ITPR2: variants seen among roughly 807,000 people sequenced by gnomAD.
ITPR2 encodes inositol 1,4,5-trisphosphate receptor type 2.
Under a neutral mutation model 317.1 loss-of-function variants are expected in ITPR2, and 207 were observed. The ratio of observed to expected loss-of-function variants is 0.65; its 90% CI spans 0.58 to 0.73. ITPR2 has a LOEUF of 0.73. Among genes scored for constraint, ITPR2 ranks in the 30% least tolerant of loss-of-function variants. The pLI is 0.00. For synonymous variants in ITPR2, 1,156 were observed against 1,149.1 expected, an observed-to-expected ratio of 1.01 and a Z score of -0.12; for missense variants, 2,613 against 3,284.0, an observed-to-expected ratio of 0.80 and a Z score of 4.99.
intron 13 of ITPR2, among the ~76,000 whole-genome samples, chr12:26,673,573 C>A: frequency 1.3e-5 from 2 of 151,244 alleles, no homozygotes; most frequent in African/African-American, 4.9e-5. Flanking sequence ...CTATGACAAA[C>A]CCACAGCCAA....
intron 4 of ITPR2, among the ~76,000 whole-genome samples, 167 bp downstream of exon 4, chr12:26,724,489 G>T (rs1376127700): frequency 6.6e-6 from 1 of 152,094 alleles, no homozygotes; most frequent in African/African-American, 2.4e-5. Flanking sequence ...ATACAGAATA[G>T]TGCAGCACAT....
intron 2 of ITPR2, among the ~76,000 whole-genome samples, chr12:26,778,314 G>T (rs1301509294): frequency 6.6e-6 from 1 of 152,192 alleles, no homozygotes; most frequent in Non-Finnish European, 1.5e-5. Context: ...AGACACAGGG[G>T]TGATGATTCA....
chr12:26,594,149 C>T (rs1331547956), intron 32 of ITPR2, among the ~76,000 whole-genome samples: 4 of 152,222 alleles, frequency 2.6e-5, no homozygotes, highest in South Asian at 2.1e-4. Context: ...TAAAACAGGA[C>T]GATTTCTCTA....
intron 2 of ITPR2, among the ~76,000 whole-genome samples, chr12:26,765,429 C>T (rs2137134527): frequency 6.6e-6 from 1 of 152,128 alleles, no homozygotes; most frequent in African/African-American, 2.4e-5. Context: ...TCTGACAGCT[C>T]TCTAGAAAGT....
At chr12:26,686,197 T>C (rs558895956) in intron 11 of ITPR2, among the ~76,000 whole-genome samples, 1 of 152,174 alleles carries the variant, frequency 6.6e-6, no homozygotes, top group East Asian at 1.9e-4. Context: ...GAAATACTTT[T>C]ATATTATTTT....
In ITPR2 at chr12:26,737,880, T is replaced by C. The variant is rs1169509098; in HGVS notation, c.164-12115A>G. Among the ~76,000 whole-genome samples, 3 of 152,228 alleles carry C rather than the reference T, an allele frequency of 2.0e-5. No individual in the cohort carries two copies. In the East Asian group the frequency reaches 5.8e-4, roughly 29 times the overall value. On this transcript the variant is annotated intron_variant, in intron 2 of 56. Coordinates refer to ENST00000381340, the MANE Select transcript of ITPR2 (RefSeq NM_002223.4). ...TTTATATTTTGCAGTATCGGAAGCA[T>C]GATGCTCGCTGTGGTATTTTGTCAC... is the stretch of plus-strand genomic sequence containing the variant.
At chr12:26,563,708 T>A (rs1393812984) in intron 34 of ITPR2, among the ~76,000 whole-genome samples, 2 of 152,174 alleles carry the variant, frequency 1.3e-5, no homozygotes, top group East Asian at 1.9e-4. Context: ...CATGCACATA[T>A]GCATGCACGC....
intron 37 of ITPR2, among the ~76,000 whole-genome samples, chr12:26,498,853 T>C (rs945069284): frequency 9.9e-5 from 15 of 152,188 alleles, no homozygotes; most frequent in South Asian, 2.1e-4. Context: ...TATTATTATT[T>C]AGAGATAGGG....
chr12:26,716,735 A>C (rs926529335), intron 5 of ITPR2, among the ~76,000 whole-genome samples: 2 of 152,200 alleles, frequency 1.3e-5, no homozygotes, highest in Admixed American at 1.3e-4. Context: ...TAAAAATTCT[A>C]ATGTCAGCTC....
At chr12:26,632,580 C>T (rs1278452115) in intron 21 of ITPR2, among the ~76,000 whole-genome samples, 3 of 152,108 alleles carry the variant, frequency 2.0e-5, no homozygotes, top group Admixed American at 2.0e-4. Context: ...AGGACTGTTA[C>T]CTTTATTTTA....
At chr12:26,704,765 T>A in intron 9 of ITPR2, among the ~76,000 whole-genome samples, 1 of 152,172 alleles carries the variant, frequency 6.6e-6, no homozygotes, top group East Asian at 1.9e-4. Context: ...CTTAACTTTT[T>A]TTACACACAA....
chr12:26,491,165 A>C (rs1434744048), intron 39 of ITPR2, among the ~76,000 whole-genome samples: 1 of 152,052 alleles, frequency 6.6e-6, no homozygotes, highest in Non-Finnish European at 1.5e-5. Context: ...GACATATTTT[A>C]AGCAGAAGAA....
intron 46 of ITPR2, among the ~76,000 whole-genome samples, chr12:26,440,262 T>G (rs1211284175): frequency 6.6e-6 from 1 of 151,944 alleles, no homozygotes; most frequent in East Asian, 1.9e-4. Flanking sequence ...AAAACAAAAG[T>G]TTTTTGTTGT....
At chr12:26,556,511 C>T in intron 35 of ITPR2, 136 bp from the exon 36 acceptor site, 1 of 817,026 alleles carries the variant, frequency 1.2e-6, no homozygotes, top group Non-Finnish European at 1.8e-6. Flanking sequence ...ATGTCTGTGC[C>T]ATAATTATAG....
chr12:26,750,647 G>A (rs571326258), intron 2 of ITPR2, among the ~76,000 whole-genome samples: 1 of 152,300 alleles, frequency 6.6e-6, no homozygotes, highest in Non-Finnish European at 1.5e-5. Flanking sequence ...GGGTCATATG[G>A]CTATAACCAA....
rs551896095 is a variant in ITPR2, at chr12:26,483,584, G to C, written c.6012+114C>G. On this transcript the variant is annotated intron_variant, in intron 42 of 56. Coordinates refer to ENST00000381340, the MANE Select transcript of ITPR2 (RefSeq NM_002223.4). ...AATTCAGTCTTTGTATGTTTTATTAGGAAAGTAAAAATGTCTGGCAAAGCA... is the reference window on the plus strand; with the variant it reads ...AATTCAGTCTTTGTATGTTTTATTACGAAAGTAAAAATGTCTGGCAAAGCA... 16 of 735,592 alleles carry C rather than the reference G, an allele frequency of 2.2e-5. No homozygotes were observed. In the South Asian group the frequency reaches 2.2e-4, roughly 10 times the overall value. The allele number at this position is 735,592 out of a possible 1,614,324, so 45.6% of individuals were successfully genotyped here. A position where few individuals can be genotyped will look rare whatever the true frequency, so the allele number is the denominator to read the frequency against.
intron 36 of ITPR2, among the ~76,000 whole-genome samples, 154 bp from the exon 37 acceptor site, chr12:26,550,509 A>G (rs1441272518): frequency 1.3e-5 from 2 of 152,178 alleles, no homozygotes; most frequent in African/African-American, 4.8e-5. Context: ...ATCACACTTC[A>G]GCTTATAAAT....
At chr12:26,468,907 T>C (rs1262613851) in intron 45 of ITPR2, among the ~76,000 whole-genome samples, 1 of 152,204 alleles carries the variant, frequency 6.6e-6, no homozygotes. Context: ...CCTACCAATA[T>C]GACCAAAAGA....
At chr12:26,488,869 A>C (rs535863071) in intron 39 of ITPR2, among the ~76,000 whole-genome samples, 1 of 152,294 alleles carries the variant, frequency 6.6e-6, no homozygotes, top group Non-Finnish European at 1.5e-5. Flanking sequence ...TTTCAATTCA[A>C]CAGTGTGATG....
Sources: allele counts gnomAD v4.1 joint callset (sites outside exome capture counted in the v4.1 genomes callset), GRCh38; gene constraint gnomAD v4.1.1; transcripts MANE v1.5; gene names NCBI Gene and HGNC (gene_info 2026-07-23, HGNC 2026-07-21).